The following AKAP13 variants were observed in gnomAD, a reference collection of about 807,000 sequenced individuals.
AKAP13 encodes the protein A-kinase anchoring protein 13, also known as A-kinase anchor protein 13.
Under a neutral mutation model 264.5 loss-of-function variants are expected in AKAP13, and 80 were observed. The observed-to-expected ratio is 0.30, with a 90% confidence interval of 0.25 to 0.36. The LOEUF (loss-of-function observed/expected upper bound fraction) is 0.36. AKAP13 is among the 10% of genes least tolerant of loss of function. The probability of loss-of-function intolerance (pLI) is 1.00; values close to 1 mark genes in which losing one functional copy is unlikely to be tolerated. For synonymous variants in AKAP13, 1,380 were observed against 1,250.2 expected, an observed-to-expected ratio of 1.10 and a Z score of -2.19; for missense variants, 3,712 against 3,435.2, an observed-to-expected ratio of 1.08 and a Z score of -2.01.
chr15:85,507,025 CTGGG>C (rs71813519), intron 2 of AKAP13, among the ~76,000 whole-genome samples: 74,137 of 151,656 alleles, frequency 0.49, 18,851 homozygotes, highest in Middle Eastern at 0.61. Flanking sequence ...TTTACTTTCT[CTGGG>C]TAGCCTTTGT....
At chr15:85,656,615 T>A (rs12904807) in intron 11 of AKAP13, among the ~76,000 whole-genome samples, 30,976 of 151,892 alleles carry the variant, frequency 0.2, 4,195 homozygotes, top group Middle Eastern at 0.42. Context: ...CCTGGCTAAT[T>A]TTTTTTGTAT....
At chr15:85,720,821 A>G (rs2087239101) in intron 23 of AKAP13, among the ~76,000 whole-genome samples, 1 of 152,250 alleles carries the variant, frequency 6.6e-6, no homozygotes. Context: ...TTTACTGAGC[A>G]TCTATTAAAT....
rs748445702 is a variant in AKAP13, at chr15:85,727,471, A to C, written c.7087+8A>C. On this transcript the variant is annotated splice_region_variant and intron_variant, in intron 29 of 36. Coordinates refer to ENST00000394518, the MANE Select transcript of AKAP13 (RefSeq NM_007200.5). This position sits in a 1 kb window ranked among gnomAD's most constrained non-coding sequence, Gnocchi z 5.3. Reference sequence around the variant, plus strand: ...GAGCCCGAGAATTAAAAGGTGAGGCATTGCGAGTGGTCTGAGCCCCTTGTC... The same window carrying C: ...GAGCCCGAGAATTAAAAGGTGAGGCCTTGCGAGTGGTCTGAGCCCCTTGTC... The C allele has an allele frequency of 6.2e-7, 1 of 1,613,944 alleles. No homozygotes were observed. The highest frequency in any genetic ancestry group is 1.1e-5 in the South Asian group (1 of 91,070).
At chr15:85,459,507 C>CT (rs1245502175) in intron 1 of AKAP13, among the ~76,000 whole-genome samples, 156 of 141,314 alleles carry the variant, frequency 1.1e-3, no homozygotes, top group South Asian at 5.7e-3. Context: ...CCTGCTTTTT[C>CT]TTTTTTTTTT....
chr15:85,525,058 A>ACT (rs2076979350), intron 3 of AKAP13, among the ~76,000 whole-genome samples: 1 of 129,496 alleles, frequency 7.7e-6, no homozygotes, highest in Non-Finnish European at 1.6e-5. Context: ...CTATCTTTAA[A>ACT]TTTTTTTTTT....
intron 17 of AKAP13, among the ~76,000 whole-genome samples, chr15:85,703,853 A>ATATAT (rs11368557): frequency 0.019 from 2,731 of 142,350 alleles, 45 homozygotes; most frequent in Middle Eastern, 0.036. Flanking sequence ...AAAAAAAAAA[A>ATATAT]ATATATATAT....
rs149861867 is a variant in AKAP13, at chr15:85,544,013, A to G, written c.662+58A>G. The G allele has an allele frequency of 9.5e-6, 15 of 1,586,402 alleles. No homozygotes were observed. The South Asian group carries it at 1.4e-4, about 15-fold the overall frequency. On this transcript the variant is annotated intron_variant, in intron 5 of 36. Transcript: ENST00000394518. The stretch of plus-strand genomic sequence containing the variant: ...TCATCCCCAGCCCCACCCCCGATTC[A>G]TAGGAGTACCACCCACTTGGCATCT...
intron 17 of AKAP13, among the ~76,000 whole-genome samples, chr15:85,693,784 A>G (rs1398196838): frequency 6.6e-6 from 1 of 152,210 alleles, no homozygotes; most frequent in Admixed American, 6.5e-5. Context: ...CATTTAGTGC[A>G]GTATTCAATA....
At position 85,744,839 on chromosome 15, in the gene AKAP13, TTGAG is replaced by T; in HGVS notation, c.*165_*168del. ...CCTGGACAATAAGCAACAGATGATA[TTGAG>T]TGTCGGGTGGGGAAGGAGGCCCAGA... On this transcript the variant is annotated 3_prime_UTR_variant, in exon 37 of 37. Transcript: ENST00000394518. 1.7e-6 allele frequency: 1 copy of T among 587,416 alleles called. No individual in the cohort carries two copies. The highest frequency in any genetic ancestry group is 2.9e-6 in the Non-Finnish European group (1 of 345,360). 36.4% of individuals were successfully genotyped at this position (587,416 alleles called of 1,614,324 possible).
Position 85,678,497 on chromosome 15 carries a change from TAGAA to T in AKAP13, c.5102-3660_5102-3657del, listed in dbSNP as rs757938400. On this transcript the variant is annotated intron_variant, in intron 14 of 36. Coordinates refer to ENST00000394518, the MANE Select transcript of AKAP13 (RefSeq NM_007200.5). ...CAGAATAAGATGATCCCAGTTGTAA[TAGAA>T]GGAAGGTTGTGAAAATCCACTCTAA... is the stretch of plus-strand genomic sequence containing the variant. Among the ~76,000 whole-genome samples the T allele has an allele frequency of 5.6e-4, 85 of 152,342 alleles. 1 individual carries two copies. The highest frequency in any genetic ancestry group is 9.6e-4 in the Non-Finnish European group (65 of 68,034).
intron 8 of AKAP13, among the ~76,000 whole-genome samples, chr15:85,610,088 G>A (rs929005179): frequency 6.6e-6 from 1 of 152,090 alleles, no homozygotes; most frequent in Non-Finnish European, 1.5e-5. Context: ...TTAAATATTT[G>A]CTGAATGGGT....
intron 17 of AKAP13, among the ~76,000 whole-genome samples, chr15:85,694,957 T>G (rs1567199556): frequency 6.6e-6 from 1 of 151,976 alleles, no homozygotes; most frequent in Non-Finnish European, 1.5e-5. Context: ...TGAAATCTGA[T>G]TTTTTTTCTT....
chr15:85,635,385 C>G (rs934001332), intron 8 of AKAP13, among the ~76,000 whole-genome samples: 1 of 152,008 alleles, frequency 6.6e-6, no homozygotes, highest in Non-Finnish European at 1.5e-5. Flanking sequence ...TTATTCAAAT[C>G]TTTTACCCAT....
intron 1 of AKAP13, among the ~76,000 whole-genome samples, chr15:85,430,690 A>T (rs2072988011): frequency 6.6e-6 from 1 of 152,130 alleles, no homozygotes; most frequent in Non-Finnish European, 1.5e-5. Context: ...GGCCTTCTTC[A>T]TTCTTATCCT....
chr15:85,425,998 C>A (rs1397300883), intron 1 of AKAP13, among the ~76,000 whole-genome samples: 2 of 151,940 alleles, frequency 1.3e-5, no homozygotes. Context: ...CTTTCTAATG[C>A]TATTTTTGAA....
intron 12 of AKAP13, among the ~76,000 whole-genome samples, chr15:85,660,426 C>G (rs16942856): frequency 0.014 from 2,074 of 143,592 alleles, 61 homozygotes; most frequent in African/African-American, 0.05. Context: ...TCACTCTCTT[C>G]GTGTTAAATC....
intron 1 of AKAP13, among the ~76,000 whole-genome samples, chr15:85,443,347 A>G (rs1429893743): frequency 6.6e-6 from 1 of 152,178 alleles, no homozygotes; most frequent in Non-Finnish European, 1.5e-5. Flanking sequence ...TTAATAGGGA[A>G]CATTTCTTGA....
chr15:85,653,191 A>G (rs1760501505), intron 10 of AKAP13, among the ~76,000 whole-genome samples: 1 of 152,230 alleles, frequency 6.6e-6, no homozygotes, highest in South Asian at 2.1e-4. Context: ...GAATTTACTC[A>G]GTGAACCATA....
intron 17 of AKAP13, among the ~76,000 whole-genome samples, chr15:85,693,801 A>G (rs1339886420): frequency 6.6e-6 from 1 of 152,212 alleles, no homozygotes; most frequent in Non-Finnish European, 1.5e-5. Context: ...AATAAATTAC[A>G]TGAGATAGTC....
Sources: gnomAD v4.1 joint callset for allele counts (sites outside exome capture counted in the v4.1 genomes callset) on GRCh38, gnomAD v4.1.1 for gene constraint, Gnocchi (gnomAD v3.1) non-coding constraint, MANE v1.5 for transcripts, NCBI Gene and HGNC (gene_info 2026-07-23, HGNC 2026-07-21) for gene names.